Variants in FAH observed in about 807,000 individuals in gnomAD.
The protein encoded by FAH is fumarylacetoacetase.
Under a neutral mutation model 55.8 loss-of-function variants are expected in FAH, and 47 were observed. The ratio of observed to expected loss-of-function variants is 0.84; its 90% CI spans 0.67 to 1.07. The LOEUF is 1.07. FAH is among the 50% of genes least tolerant of loss of function. The pLI is 0.00. For missense variants in FAH, 495 were observed against 545.9 expected (o/e 0.91, Z 0.93); for synonymous variants, 199 against 207.7 (o/e 0.96, Z 0.36).
chr15:80,157,828 G>C (rs961002356), intron 1 of FAH: 9 of 578,234 alleles, frequency 1.6e-5, no homozygotes, highest in Non-Finnish European at 2.2e-5. Context: ...AGGGATATTT[G>C]ATTTCTTTCC....
At chr15:80,160,634 C>A (rs2041141141) in intron 4 of FAH, 175 bp downstream of exon 4, 1 of 710,860 alleles carries the variant, frequency 1.4e-6, no homozygotes, top group Non-Finnish European at 2.5e-6. Flanking sequence ...AGCATCCAGG[C>A]CCGGCATTCA....
At chr15:80,177,440 A>G in intron 10 of FAH, 97 bp from the exon 11 acceptor site, 1 of 1,084,608 alleles carries the variant, frequency 9.2e-7, no homozygotes, top group Non-Finnish European at 1.4e-6. Context: ...ATCATGTTGG[A>G]CAATGGGAAG....
At chr15:80,177,023 G>T (rs937265978) in intron 10 of FAH, among the ~76,000 whole-genome samples, 1 of 152,212 alleles carries the variant, frequency 6.6e-6, no homozygotes, top group African/African-American at 2.4e-5. Flanking sequence ...TTCAGAAGTG[G>T]AACGGCAACA....
At chr15:80,176,456 T>C (rs2041284918) in intron 10 of FAH, among the ~76,000 whole-genome samples, 1 of 152,222 alleles carries the variant, frequency 6.6e-6, no homozygotes, top group African/African-American at 2.4e-5. Context: ...GCTGTCGCCA[T>C]GGGAGCAGGA....
At chr15:80,174,108 C>T (rs1382880606) in intron 9 of FAH, among the ~76,000 whole-genome samples, 1 of 152,194 alleles carries the variant, frequency 6.6e-6, no homozygotes, top group African/African-American at 2.4e-5. Context: ...TCTCTCCTCG[C>T]TGCTCCCTAC....
chr15:80,174,897 G>A (rs963984540), intron 9 of FAH, 119 bp from the exon 10 acceptor site: 1 of 800,874 alleles, frequency 1.2e-6, no homozygotes, highest in East Asian at 2.4e-5. Flanking sequence ...TGCTCCTGCT[G>A]TCTCAGACCC....
rs1250865239 is a variant in FAH at position 80,186,217 on chromosome 15, T to C, written c.*8T>C. 6.2e-7 allele frequency: 1 copy of C among 1,612,008 alleles called. No individual in the cohort carries two copies. The highest frequency in any genetic ancestry group is 8.5e-7 in the Non-Finnish European group (1 of 1,178,068). Reference sequence around the variant, plus strand: ...GCTCTCCTGCCATCATGAGATTTTCTCTGCTCTTCTGGAAACAAAGGGCTC... The same window carrying C: ...GCTCTCCTGCCATCATGAGATTTTCCCTGCTCTTCTGGAAACAAAGGGCTC... On this transcript the variant is annotated 3_prime_UTR_variant, in exon 14 of 14. Coordinates refer to ENST00000561421, the MANE Select transcript of FAH (RefSeq NM_000137.4).
chr15:80,174,103 C>T (rs571010940), intron 9 of FAH, among the ~76,000 whole-genome samples: 51 of 152,294 alleles, frequency 3.3e-4, no homozygotes, highest in Admixed American at 1.5e-3. Flanking sequence ...CTTGCTCTCT[C>T]CTCGCTGCTC....
Position 80,168,216 on chromosome 15 carries a change from G to A in FAH, c.554-48G>A, listed in dbSNP as rs2142098108. The A allele has an allele frequency of 1.9e-6, 3 of 1,609,726 alleles. 1 individual carries two copies. In the South Asian group the frequency reaches 3.3e-5, roughly 18 times the overall value. On this transcript the variant is annotated intron_variant, in intron 6 of 13. Transcript: ENST00000561421. ...TCTGTTCCCACACAGAGAGTTCTGT[G>A]GCCTCACTCACAGCACCGTTTTTTT...
chr15:80,172,292 G>T (rs778557117), intron 8 of FAH, 44 bp downstream of exon 8: 2 of 1,467,764 alleles, frequency 1.4e-6, no homozygotes, highest in South Asian at 1.1e-5. Context: ...CGGGGAGGAG[G>T]CTGGGGACTT....
Position 80,174,966 on chromosome 15 carries a change from G to A in FAH, c.838-50G>A, listed in dbSNP as rs116638928. ...GGCTGGTATGGGGGCCCAGCCGGGT[G>A]AGCTCAGCCCACCTGCCAGTGACCT... On this transcript the variant is annotated intron_variant, in intron 9 of 13. Transcript: ENST00000561421. 8.6e-4 allele frequency: 1,335 copies of A among 1,557,100 alleles called. 12 individuals carry two copies. In the African/African-American group the frequency reaches 0.017, roughly 20 times the overall value.
chr15:80,161,061 G>A (rs1389445082), intron 4 of FAH, among the ~76,000 whole-genome samples: 1 of 152,180 alleles, frequency 6.6e-6, no homozygotes, highest in South Asian at 2.1e-4. Context: ...GCTGTCCGGG[G>A]AGAGTCCTTT....
intron 8 of FAH, 98 bp downstream of exon 8, chr15:80,172,346 T>A: frequency 1.1e-6 from 1 of 885,690 alleles, no homozygotes; most frequent in Non-Finnish European, 1.9e-6. Context: ...AGGTCAAAAG[T>A]GGCAGGTGAT....
chr15:80,158,169 A>G lies in FAH; in HGVS notation c.191A>G (p.Gln64Arg). The G allele has an allele frequency of 1.2e-6, 2 of 1,606,960 alleles. No homozygotes were observed. The highest frequency in any genetic ancestry group is 2.2e-5 in the South Asian group (2 of 90,928). ...TCCAAACACCAGGATGTCTTCAATC[A>G]GGTAGGACATTGTGAAACGACTTGT... ...VLSKHQDVFN[Q>R]PTLNSFMGLG... The change falls in exon 2 of 14, where the codon CAG becomes CGG. Residue 64 changes from glutamine to arginine, a missense_variant and splice_region_variant. Transcript: ENST00000561421.
At chr15:80,165,118 C>G (rs927179864) in intron 5 of FAH, among the ~76,000 whole-genome samples, 9 of 152,160 alleles carry the variant, frequency 5.9e-5, no homozygotes, top group Non-Finnish European at 1.3e-4. Flanking sequence ...TAGGGCTGGG[C>G]GCGGTGGCTC....
At chr15:80,162,464 C>T (rs1269611599) in intron 5 of FAH, 128 bp downstream of exon 5, 1 of 820,120 alleles carries the variant, frequency 1.2e-6, no homozygotes, top group African/African-American at 1.7e-5. Flanking sequence ...TATGATGTTG[C>T]AACCTCTGGA....
intron 7 of FAH, among the ~76,000 whole-genome samples, chr15:80,171,283 G>A (rs1019977723): frequency 6.6e-6 from 1 of 151,504 alleles, no homozygotes; most frequent in Non-Finnish European, 1.5e-5. Context: ...AGAAAATGTG[G>A]CACATATACA....
At chr15:80,182,415 T>A (rs2041339126) in intron 13 of FAH, among the ~76,000 whole-genome samples, 1 of 152,228 alleles carries the variant, frequency 6.6e-6, no homozygotes, top group Non-Finnish European at 1.5e-5. Flanking sequence ...CCAGTGTGGC[T>A]GTTGGTTAGT....
intron 11 of FAH, among the ~76,000 whole-genome samples, chr15:80,178,623 G>A (rs1320983051): frequency 1.4e-5 from 2 of 144,802 alleles, no homozygotes; most frequent in Admixed American, 1.4e-4. Context: ...CTCGCTCGTT[G>A]CCCAGGCTGG....
Sources: allele counts gnomAD v4.1 joint callset (sites outside exome capture counted in the v4.1 genomes callset), GRCh38; gene constraint gnomAD v4.1.1; transcripts MANE v1.5; gene names NCBI Gene and HGNC (gene_info 2026-07-23, HGNC 2026-07-21).